Variants in ARHGAP24 observed in about 807,000 individuals in gnomAD.
ARHGAP24 encodes the protein Rho GTPase activating protein 24, also known as rho GTPase-activating protein 24.
ARHGAP24 carries 50 observed loss-of-function variants against 76.4 expected under a neutral mutation model. The ratio of observed to expected loss-of-function variants is 0.65; its 90% CI spans 0.52 to 0.83. The LOEUF (loss-of-function observed/expected upper bound fraction) is 0.83, where lower values mean the gene tolerates loss of function less well. Among genes scored for constraint, ARHGAP24 ranks in the 40% least tolerant of loss-of-function variants. The pLI is 0.00. For synonymous variants in ARHGAP24, 345 were observed against 323.3 expected (o/e 1.07, Z -0.72); for missense variants, 930 against 914.2 (o/e 1.02, Z -0.22).
intron 1 of ARHGAP24, among the ~76,000 whole-genome samples, chr4:85,497,301 C>G (rs1273384731): frequency 1.3e-5 from 2 of 152,186 alleles, no homozygotes; most frequent in East Asian, 3.8e-4. Flanking sequence ...TCAGCTCTGT[C>G]AAAGTACTCT....
chr4:85,533,956 T>C (rs1725368193), intron 1 of ARHGAP24, among the ~76,000 whole-genome samples: 1 of 152,198 alleles, frequency 6.6e-6, no homozygotes, highest in Non-Finnish European at 1.5e-5. Context: ...AGACACTTTT[T>C]CCCAGGATAA....
intron 2 of ARHGAP24, among the ~76,000 whole-genome samples, chr4:85,576,013 T>A (rs1373449421): frequency 6.6e-6 from 1 of 152,236 alleles, no homozygotes; most frequent in East Asian, 1.9e-4. Context: ...TTTCTGTGCC[T>A]GATCAAGATG....
chr4:85,842,550 T>C (rs577158032), intron 3 of ARHGAP24, among the ~76,000 whole-genome samples: 14 of 152,254 alleles, frequency 9.2e-5, no homozygotes, highest in African/African-American at 3.4e-4. Context: ...TTTACCTCAA[T>C]CTGGACTCAT....
intron 1 of ARHGAP24, among the ~76,000 whole-genome samples, chr4:85,522,513 T>TTACTGC (rs766090366): frequency 1.2e-4 from 19 of 152,298 alleles, no homozygotes; most frequent in Non-Finnish European, 2.2e-4. Flanking sequence ...CAAGGTGTTG[T>TTACTGC]TATTGCTAAT....
chr4:85,481,447 C>G (rs574201778), intron 1 of ARHGAP24, among the ~76,000 whole-genome samples: 1 of 152,228 alleles, frequency 6.6e-6, no homozygotes, highest in South Asian at 2.1e-4. Context: ...CATGAACTGG[C>G]CTTGGAGCTC....
At chr4:85,645,164 A>G (rs62317218) in intron 2 of ARHGAP24, among the ~76,000 whole-genome samples, 40,221 of 152,034 alleles carry the variant, frequency 0.26, 7,448 homozygotes, top group East Asian at 0.84. Flanking sequence ...TAAAAATTCC[A>G]GACAGTTTAA....
chr4:85,476,555 A>G (rs2110084889), intron 1 of ARHGAP24, among the ~76,000 whole-genome samples: 1 of 152,320 alleles, frequency 6.6e-6, no homozygotes, highest in African/African-American at 2.4e-5. Flanking sequence ...AAATAAAACA[A>G]TATGTGTTGC....
At chr4:85,774,598 T>G (rs987856552) in intron 3 of ARHGAP24, among the ~76,000 whole-genome samples, 4 of 152,146 alleles carry the variant, frequency 2.6e-5, no homozygotes, top group African/African-American at 9.7e-5. Context: ...ACATATCTAG[T>G]TAGGTACATA....
chr4:85,879,814 A>C (rs1202555802), intron 3 of ARHGAP24, among the ~76,000 whole-genome samples: 1 of 152,120 alleles, frequency 6.6e-6, no homozygotes, highest in Non-Finnish European at 1.5e-5. Context: ...GGCACCAGGG[A>C]CCAGTGCCTT....
At position 85,863,237 on chromosome 4, in the gene ARHGAP24, G is replaced by A. The variant is rs530489302; in HGVS notation, c.269-60411G>A. Among the ~76,000 whole-genome samples the A allele has an allele frequency of 1.1e-4, 17 of 151,916 alleles. No homozygotes were observed. The South Asian group carries it at 3.5e-3, about 32-fold the overall frequency. ...CCTTTCCACAGGCCTATTTTTCTTT[G>A]CAGGCTAACTCGTTTACTTTCAGGT... is the stretch of plus-strand genomic sequence containing the variant. On this transcript the variant is annotated intron_variant, in intron 3 of 9. Coordinates refer to ENST00000395184, the MANE Select transcript of ARHGAP24 (RefSeq NM_001025616.3).
chr4:85,813,160 G>A (rs1395457006), intron 3 of ARHGAP24, among the ~76,000 whole-genome samples: 12 of 152,158 alleles, frequency 7.9e-5, no homozygotes, highest in Non-Finnish European at 1.6e-4. Context: ...ATGACAATCA[G>A]AAATAGTCTT....
rs1578117766 is a variant in ARHGAP24, at chr4:85,659,744, G to A, written c.181-62141G>A. On this transcript the variant is annotated intron_variant, in intron 2 of 9. Coordinates refer to ENST00000395184, the MANE Select transcript of ARHGAP24 (RefSeq NM_001025616.3). The stretch of plus-strand genomic sequence containing the variant: ...TCCTCAGTCTGCTTTTTGTGAAGAG[G>A]ACTTTTTCAGGGTAGAAGAATGACT... 2.0e-5 allele frequency among the ~76,000 whole-genome samples: 3 copies of A among 152,164 alleles called. No homozygotes were observed. The Middle Eastern group carries it at 0.01, about 518-fold the overall frequency.
chr4:85,932,793 C>A (rs1409074674), intron 4 of ARHGAP24, among the ~76,000 whole-genome samples: 2 of 152,190 alleles, frequency 1.3e-5, no homozygotes, highest in African/African-American at 4.8e-5. Flanking sequence ...AGCGGTTTTA[C>A]GCTTCCTTTC....
intron 1 of ARHGAP24, among the ~76,000 whole-genome samples, chr4:85,532,014 G>A (rs1725278030): frequency 6.6e-6 from 1 of 152,078 alleles, no homozygotes; most frequent in African/African-American, 2.4e-5. Flanking sequence ...TAAAACTTAT[G>A]AATAATAGAT....
At chr4:85,806,979 C>A (rs780701166) in intron 3 of ARHGAP24, among the ~76,000 whole-genome samples, 1 of 152,128 alleles carries the variant, frequency 6.6e-6, no homozygotes, top group Non-Finnish European at 1.5e-5. Flanking sequence ...ATTTTATTTA[C>A]CTTTTTAACC....
intron 3 of ARHGAP24, among the ~76,000 whole-genome samples, chr4:85,918,957 T>C (rs888255408): frequency 1.3e-5 from 2 of 152,190 alleles, no homozygotes; most frequent in African/African-American, 4.8e-5. Context: ...TTTAAAGTAG[T>C]AGTATTTAAA....
At chr4:85,540,625 T>A (rs1336301457) in intron 1 of ARHGAP24, among the ~76,000 whole-genome samples, 1 of 152,188 alleles carries the variant, frequency 6.6e-6, no homozygotes, top group African/African-American at 2.4e-5. Flanking sequence ...CTTGTAACAA[T>A]CACCTTATAC....
chr4:85,864,578 G>A (rs1051700345), intron 3 of ARHGAP24, among the ~76,000 whole-genome samples: 8 of 151,182 alleles, frequency 5.3e-5, no homozygotes, highest in Non-Finnish European at 1.5e-5. Context: ...ACTTATGATA[G>A]ACAGGCAATT....
intron 2 of ARHGAP24, among the ~76,000 whole-genome samples, chr4:85,595,337 G>T (rs1413960273): frequency 1.3e-5 from 2 of 152,148 alleles, no homozygotes; most frequent in East Asian, 1.9e-4. Flanking sequence ...AGTTCGTTTT[G>T]TTCCTAGAAA....
Sources: gnomAD v4.1 joint callset for allele counts (sites outside exome capture counted in the v4.1 genomes callset) on GRCh38, gnomAD v4.1.1 for gene constraint, MANE v1.5 for transcripts, NCBI Gene and HGNC (gene_info 2026-07-23, HGNC 2026-07-21) for gene names.